Variants in ZNF385D observed in about 807,000 individuals in gnomAD.
The protein encoded by ZNF385D is zinc finger protein 385D.
In ZNF385D, 15 loss-of-function variants were observed where a neutral mutation model predicts 35.8. The observed-to-expected ratio is 0.42, with a 90% CI of 0.28 to 0.64. The LOEUF (loss-of-function observed/expected upper bound fraction) is 0.64, where lower values mean the gene tolerates loss of function less well. Ranked by LOEUF, ZNF385D falls within the 30% of genes least tolerant of loss-of-function variation. The probability of loss-of-function intolerance (pLI) is 0.23; values close to 1 mark genes in which losing one functional copy is unlikely to be tolerated. For missense variants in ZNF385D, 474 were observed against 494.6 expected, an observed-to-expected ratio of 0.96 and a Z score of 0.39; for synonymous variants, 212 against 186.8, an observed-to-expected ratio of 1.13 and a Z score of -1.10.
At chr3:21,776,289 AT>A (rs2071284201) in intron 3 of ZNF385D, among the ~76,000 whole-genome samples, 1 of 151,902 alleles carries the variant, frequency 6.6e-6, no homozygotes, top group Admixed American at 6.6e-5. Flanking sequence ...TTGAAATGTA[AT>A]ACTAGGTTAA....
chr3:21,866,440 G>A (rs1697369323), intron 3 of ZNF385D, among the ~76,000 whole-genome samples: 1 of 152,118 alleles, frequency 6.6e-6, no homozygotes, highest in Admixed American at 6.6e-5. Context: ...TGGGCAACAG[G>A]AGTGAAACTC....
chr3:22,028,158 G>A (rs1338251861), intron 3 of ZNF385D, among the ~76,000 whole-genome samples: 1 of 152,182 alleles, frequency 6.6e-6, no homozygotes, highest in African/African-American at 2.4e-5. Flanking sequence ...TTGGGGAAGA[G>A]GTATGTGGAT....
chr3:22,232,855 C>T (rs986484174), intron 2 of ZNF385D, among the ~76,000 whole-genome samples: 2 of 152,344 alleles, frequency 1.3e-5, no homozygotes, highest in Non-Finnish European at 2.9e-5. Context: ...TGTCTTCTCT[C>T]TGCACAATTC....
chr3:21,882,508 A>C (rs1698333245), intron 3 of ZNF385D, among the ~76,000 whole-genome samples: 1 of 152,012 alleles, frequency 6.6e-6, no homozygotes, highest in Non-Finnish European at 1.5e-5. Context: ...GCACTAGAAA[A>C]CAAAAAATGT....
chr3:21,867,953 T>G (rs960457649), intron 3 of ZNF385D, among the ~76,000 whole-genome samples: 2 of 152,164 alleles, frequency 1.3e-5, no homozygotes, highest in African/African-American at 2.4e-5. Flanking sequence ...ATATGGGTAG[T>G]GGCCACTATA....
intron 3 of ZNF385D, among the ~76,000 whole-genome samples, chr3:21,909,713 G>C (rs1699869823): frequency 6.6e-6 from 1 of 152,004 alleles, no homozygotes; most frequent in African/African-American, 2.4e-5. Context: ...TGGATGTGGA[G>C]TAAGAAGACA....
chr3:21,828,817 A>G (rs778457481), intron 3 of ZNF385D, among the ~76,000 whole-genome samples: 4 of 152,198 alleles, frequency 2.6e-5, no homozygotes, highest in African/African-American at 4.8e-5. Context: ...GCTTTAGCGG[A>G]CAATTAATTT....
intron 2 of ZNF385D, among the ~76,000 whole-genome samples, chr3:22,211,307 A>C (rs760752205): frequency 2.8e-4 from 43 of 151,878 alleles, no homozygotes; most frequent in Non-Finnish European, 5.4e-4. Flanking sequence ...AAAAGCAAAA[A>C]ATGTTCTGAA....
intron 3 of ZNF385D, among the ~76,000 whole-genome samples, chr3:21,817,112 G>A (rs62239206): frequency 0.079 from 12,097 of 152,192 alleles, 543 homozygotes; most frequent in Non-Finnish European, 0.095. Flanking sequence ...AAATGGTGCT[G>A]GGAAAACTGG....
chr3:22,140,215 C>A lies in ZNF385D; in HGVS notation c.325+28602G>T, dbSNP rs189483334. ...GTGAATGAATAAACAAACTGTAGTA[C>A]ATCATCTATACAATGAAATAATACT... On this transcript the variant is annotated intron_variant, in intron 3 of 5. Coordinates refer to the ZNF385D transcript ENST00000494108. 4.4e-4 allele frequency among the ~76,000 whole-genome samples: 67 copies of A among 152,262 alleles called. 1 individual carries two copies. Among genetic ancestry groups the A allele is most frequent in the Non-Finnish European group, 8.2e-4 (56 of 68,012 alleles).
chr3:21,616,606 T>C (rs1033739480), intron 2 of ZNF385D, among the ~76,000 whole-genome samples: 2 of 152,202 alleles, frequency 1.3e-5, no homozygotes, highest in African/African-American at 4.8e-5. Flanking sequence ...GCCTTTACAT[T>C]TAACTAGTTT....
At chr3:21,618,425 C>A (rs988926140) in intron 2 of ZNF385D, among the ~76,000 whole-genome samples, 1 of 152,138 alleles carries the variant, frequency 6.6e-6, no homozygotes, top group Non-Finnish European at 1.5e-5. Flanking sequence ...TCTTGCCATA[C>A]CCAGTGTTGG....
chr3:22,190,440 A>G (rs1293991723), intron 2 of ZNF385D, among the ~76,000 whole-genome samples: 1 of 152,178 alleles, frequency 6.6e-6, no homozygotes, highest in Non-Finnish European at 1.5e-5. Context: ...AATGAGTGGT[A>G]AGTTCCTTTT....
intron 2 of ZNF385D, among the ~76,000 whole-genome samples, chr3:21,632,958 T>G (rs1182386539): frequency 6.6e-6 from 1 of 152,146 alleles, no homozygotes; most frequent in East Asian, 1.9e-4. Context: ...TAGGGAAGTT[T>G]TTGTTATCCA....
chr3:22,219,060 G>A (rs180796028), intron 2 of ZNF385D, among the ~76,000 whole-genome samples: 1 of 152,156 alleles, frequency 6.6e-6, no homozygotes, highest in African/African-American at 2.4e-5. Context: ...CTACAAAGAA[G>A]GCAAATCAAT....
At chr3:21,983,164 A>ATT (rs1323374544) in intron 3 of ZNF385D, among the ~76,000 whole-genome samples, 38 of 62,460 alleles carry the variant, frequency 6.1e-4, no homozygotes, top group South Asian at 1.6e-3. Context: ...ATTTTATTTT[A>ATT]TTATTTTTTT....
chr3:21,588,578 C>T (rs1006711892), intron 2 of ZNF385D, among the ~76,000 whole-genome samples: 18 of 151,748 alleles, frequency 1.2e-4, no homozygotes, highest in South Asian at 2.1e-4. Context: ...AAAACTAAGA[C>T]GTACATTTAT....
At chr3:21,770,329 A>C (rs1379046334) in intron 3 of ZNF385D, among the ~76,000 whole-genome samples, 1 of 152,202 alleles carries the variant, frequency 6.6e-6, no homozygotes, top group Admixed American at 6.5e-5. Flanking sequence ...AAATTGTTGT[A>C]ATCAACTCAT....
chr3:21,687,842 G>A (rs2067156246), intron 1 of ZNF385D, among the ~76,000 whole-genome samples: 1 of 152,016 alleles, frequency 6.6e-6, no homozygotes, highest in South Asian at 2.1e-4. Flanking sequence ...GAGAATAGCT[G>A]AATGGCTTAA....
Sources: allele counts gnomAD v4.1 joint callset (sites outside exome capture counted in the v4.1 genomes callset), GRCh38; gene constraint gnomAD v4.1.1; transcripts MANE v1.5; gene names NCBI Gene and HGNC (gene_info 2026-07-23, HGNC 2026-07-21).